The following CCDC33 variants were observed in gnomAD, a reference collection of about 807,000 sequenced individuals.
CCDC33 encodes coiled-coil domain-containing protein 33.
In CCDC33, 94 loss-of-function variants were observed where a neutral mutation model predicts 91.9. The observed-to-expected ratio is 1.02, with a 90% CI of 0.87 to 1.21. CCDC33 has a LOEUF of 1.21. CCDC33 is among the 50% of genes most tolerant of loss of function. The pLI is 0.00. For synonymous variants in CCDC33, 396 were observed against 374.5 expected, an observed-to-expected ratio of 1.06 and a Z score of -0.66; for missense variants, 940 against 935.5, an observed-to-expected ratio of 1.00 and a Z score of -0.06.
intron 2 of CCDC33, among the ~76,000 whole-genome samples, chr15:74,222,807 G>A (rs1261291890): frequency 3.2e-3 from 38 of 11,870 alleles, no homozygotes; most frequent in Middle Eastern, 0.028. Context: ...CCCGACCCCC[G>A]CCGCCTGCAT....
At chr15:74,215,866 G>A (rs1231538382), upstream of CCDC33, among the ~76,000 whole-genome samples, 6 of 116,882 alleles carry the variant, frequency 5.1e-5, no homozygotes, top group East Asian at 9.3e-4. Flanking sequence ...AGCAAAACTC[G>A]ATCTCACCAA....
intron 2 of CCDC33, among the ~76,000 whole-genome samples, chr15:74,245,253 G>A (rs1411864255): frequency 6.6e-6 from 1 of 152,178 alleles, no homozygotes; most frequent in Non-Finnish European, 1.5e-5. Flanking sequence ...AGTGACTGAG[G>A]CCAACACCTG....
chr15:74,326,183 G>C (rs572054444), intron 11 of CCDC33, among the ~76,000 whole-genome samples: 1 of 152,312 alleles, frequency 6.6e-6, no homozygotes, highest in Admixed American at 6.5e-5. Flanking sequence ...AAATTAGCCA[G>C]GCATGGTGGC....
intron 11 of CCDC33, among the ~76,000 whole-genome samples, chr15:74,324,417 G>C (rs1370314374): frequency 6.6e-6 from 1 of 151,880 alleles, no homozygotes; most frequent in African/African-American, 2.4e-5. Context: ...GTTTTGCTTT[G>C]TGTCCCATTC....
Position 74,236,621 on chromosome 15 carries a change from C to A in CCDC33, c.-99C>A. 1 of 1,163,386 alleles carries A rather than the reference C, an allele frequency of 8.6e-7. No individual in the cohort carries two copies. The highest frequency in any genetic ancestry group is 1.3e-5 in the South Asian group (1 of 74,772). The allele number at this position is 1,163,386 out of a possible 1,614,324, so 72.1% of individuals were successfully genotyped here. The stretch of plus-strand genomic sequence containing the variant: ...CCATAAGGACTCCAAGACGCCCAGG[C>A]CAGCTGTCTGGGCAGGACTGATTCC... On this transcript the variant is annotated 5_prime_UTR_variant, in exon 1 of 19. Transcript: ENST00000398814.
intron 4 of CCDC33, among the ~76,000 whole-genome samples, chr15:74,267,943 C>T (rs2076211230): frequency 6.6e-6 from 1 of 152,166 alleles, no homozygotes; most frequent in African/African-American, 2.4e-5. Context: ...ATGAGGAACC[C>T]CAATCCCAGG....
At chr15:74,303,111 A>T (rs2059826299) in intron 11 of CCDC33, 1 of 152,350 alleles carries the variant, frequency 6.6e-6, no homozygotes, top group South Asian at 2.1e-4. Context: ...AACTCTGAGC[A>T]GGAGTCTTTT....
intron 2 of CCDC33, among the ~76,000 whole-genome samples, chr15:74,224,812 T>A (rs1342495972): frequency 6.6e-6 from 1 of 152,346 alleles, no homozygotes; most frequent in Non-Finnish European, 1.5e-5. Context: ...ATTTGGGATG[T>A]CTGTATTGGG....
upstream of CCDC33, among the ~76,000 whole-genome samples, chr15:74,216,421 C>T (rs189630935): frequency 4.7e-5 from 7 of 150,496 alleles, no homozygotes; most frequent in East Asian, 2.0e-4. Flanking sequence ...ACAAGTCAGG[C>T]GACTAGAACT....
chr15:74,333,374 TG>T, intron 16 of CCDC33: 2 of 1,377,556 alleles, frequency 1.5e-6, no homozygotes, highest in Non-Finnish European at 2.0e-6. Context: ...CCTCTGAAGA[TG>T]CTTCAGGGGC....
At chr15:74,230,942 T>C (rs562305952) in intron 2 of CCDC33, among the ~76,000 whole-genome samples, 30 of 152,308 alleles carry the variant, frequency 2.0e-4, no homozygotes, top group African/African-American at 6.7e-4. Context: ...CTTTTTTTCT[T>C]TGCTGCCAAA....
chr15:74,265,959 G>C (rs1566981498), intron 3 of CCDC33, among the ~76,000 whole-genome samples: 1 of 152,216 alleles, frequency 6.6e-6, no homozygotes, highest in Admixed American at 6.5e-5. Flanking sequence ...GGAAGGCAGA[G>C]GTTGTAGTGA....
rs796318529 is a variant in CCDC33, at chr15:74,218,643, A to C, written c.457A>C (p.Lys153Gln). 2 of 1,289,674 alleles carry C rather than the reference A, an allele frequency of 1.6e-6. No homozygotes were observed. The highest frequency in any genetic ancestry group is 2.0e-6 in the Non-Finnish European group (2 of 988,860). 79.9% of individuals were successfully genotyped at this position (1,289,674 alleles called of 1,614,324 possible). Reference sequence around the variant, plus strand: ...GCCAGACCAACCCCGCATGAACCCAAAGGCTCAGGATCACGAGGACCTGTA... The same window carrying C: ...GCCAGACCAACCCCGCATGAACCCACAGGCTCAGGATCACGAGGACCTGTA... The change falls in exon 2 of 3, where the codon AAG becomes CAG. Residue 153 changes from lysine to glutamine, a missense_variant. Transcript: ENST00000635913. This position sits in a 1 kb window ranked among gnomAD's most constrained non-coding sequence, Gnocchi z 4.8.
upstream of CCDC33, chr15:74,213,557 C>T (rs2074387919): frequency 6.6e-6 from 1 of 152,258 alleles, no homozygotes; most frequent in Non-Finnish European, 1.5e-5. Context: ...CTCCTATTCA[C>T]CTGCCTCTTG....
rs1566978537 is a variant in CCDC33, at chr15:74,262,472, G to A, written c.218G>A (p.Ser73Asn). 6.2e-7 allele frequency: 1 copy of A among 1,614,074 alleles called. No homozygotes were observed. The highest frequency in any genetic ancestry group is 8.5e-7 in the Non-Finnish European group (1 of 1,179,994). ...KSTSEEKNNQ[S>N]SKAVTSVTSE... Reference sequence around the variant, plus strand: ...ACATCTGAGGAAAAGAACAATCAGAGCTCCAAGGCAGTCACATCTGTGACC... The same window carrying A: ...ACATCTGAGGAAAAGAACAATCAGAACTCCAAGGCAGTCACATCTGTGACC... The change falls in exon 3 of 19, where the codon AGC becomes AAC. Residue 73 changes from serine (S) to asparagine (N), a missense_variant. Ser to Asn is a conservative substitution (Grantham distance 46). Transcript: ENST00000398814.
chr15:74,223,592 A>ATGG (rs2074676813), intron 2 of CCDC33, among the ~76,000 whole-genome samples: 1 of 151,318 alleles, frequency 6.6e-6, no homozygotes, highest in Non-Finnish European at 1.5e-5. Flanking sequence ...CCCCTCCCCC[A>ATGG]GCCACCAGTG....
chr15:74,330,907 G>C, intron 13 of CCDC33, 74 bp from the exon 14 acceptor site: 1 of 1,531,456 alleles, frequency 6.5e-7, no homozygotes, highest in South Asian at 1.3e-5. Context: ...CAGAGGGGCC[G>C]AGGTGGACCC....
At chr15:74,265,333 TTC>T (rs1291806103) in intron 3 of CCDC33, among the ~76,000 whole-genome samples, 1 of 152,094 alleles carries the variant, frequency 6.6e-6, no homozygotes, top group African/African-American at 2.4e-5. Flanking sequence ...CCCTTTCCTG[TTC>T]TCTGTTTTGT....
chr15:74,244,078 G>T lies in CCDC33; in HGVS notation c.115G>T (p.Val39Phe). ...TCCCTCTAAGAAGGAGACCATCATGGTCACCCTCCATGGGGCTACCAACCT... is the reference window on the plus strand; with the variant it reads ...TCCCTCTAAGAAGGAGACCATCATGTTCACCCTCCATGGGGCTACCAACCT... The part of the protein sequence containing the change: ...LSPSKKETIM[V>F]TLHGATNLPA... The change falls in exon 2 of 19, where the codon GTC (valine) becomes TTC (phenylalanine). Residue 39 changes from valine to phenylalanine, a missense_variant. By Grantham distance (50) the Val-to-Phe change is conservative. Coordinates refer to ENST00000398814, the MANE Select transcript of CCDC33 (RefSeq NM_025055.5). This position sits in a 1 kb window ranked among gnomAD's most constrained non-coding sequence, Gnocchi z 4.2. The T allele has an allele frequency of 6.2e-7, 1 of 1,613,870 alleles. No homozygotes were observed.
Sources: allele counts gnomAD v4.1 joint callset (sites outside exome capture counted in the v4.1 genomes callset), GRCh38; gene constraint gnomAD v4.1.1; non-coding constraint Gnocchi (gnomAD v3.1); transcripts MANE v1.5; gene names NCBI Gene and HGNC (gene_info 2026-07-23, HGNC 2026-07-21).